Variants in ADNP2 observed in about 807,000 individuals in gnomAD.
ADNP2 encodes ADNP homeobox 2.
ADNP2 carries 8 observed loss-of-function variants against 16.4 expected under a neutral mutation model. The ratio of observed to expected loss-of-function variants is 0.49; its 90% CI spans 0.29 to 0.88. The LOEUF is 0.88. Ranked by LOEUF, ADNP2 falls within the 40% of genes least tolerant of loss-of-function variation. The pLI is 0.09. For missense variants in ADNP2, 1,397 were observed against 1,395.1 expected (o/e 1.00, Z -0.02); for synonymous variants, 637 against 545.8 (o/e 1.17, Z -2.33).
chr18:80,137,182 C>G lies in ADNP2; in HGVS notation c.1769C>G (p.Thr590Ser), dbSNP rs1232922151. ...GTGAGACCTGGTGCTTCGCAGAACA[C>G]CACCTTCCTGACATCAGGCTCTATT... ...QPVRPGASQN[T>S]TFLTSGSILR... is the part of the protein sequence containing the mutation. Residue 590 changes from threonine (T) to serine (S), a missense_variant, in exon 4 of 4, where the codon ACC becomes AGC. Physicochemically the swap from Thr to Ser is moderately conservative, Grantham distance 58 (BLOSUM62 1). Transcript: ENST00000262198. This position sits in a 1 kb window ranked among gnomAD's most constrained non-coding sequence, Gnocchi z 4.2. The G allele has an allele frequency of 1.9e-6, 3 of 1,614,212 alleles. No individual in the cohort carries two copies. Among genetic ancestry groups the G allele is most frequent in the Non-Finnish European group, 2.5e-6 (3 of 1,180,024 alleles).
chr18:80,119,477 A>G (rs9965191), intron 2 of ADNP2, among the ~76,000 whole-genome samples: 1,580 of 151,972 alleles, frequency 0.01, 22 homozygotes, highest in African/African-American at 0.036. Flanking sequence ...GAAAGAACCA[A>G]GGAAACTACC....
chr18:80,125,830 A>G (rs1226540949), intron 2 of ADNP2, among the ~76,000 whole-genome samples: 1 of 152,152 alleles, frequency 6.6e-6, no homozygotes, highest in Non-Finnish European at 1.5e-5. Context: ...TTTTTTAATT[A>G]AAAGAAGTTT....
At position 80,138,268 on chromosome 18, in the gene ADNP2, A is replaced by G; in HGVS notation, c.2855A>G (p.Gln952Arg). The G allele has an allele frequency of 1.9e-6, 3 of 1,614,132 alleles. No homozygotes were observed. The highest frequency in any genetic ancestry group is 1.1e-5 in the South Asian group (1 of 91,086). Residue 952 changes from glutamine (Q) to arginine (R), a missense_variant, in exon 4 of 4, where the codon CAG becomes CGG. Physicochemically the swap from Gln to Arg is conservative, Grantham distance 43. Transcript: ENST00000262198. ...GACAGCAGCTCAGACCTGCAGGCCC[A>G]GCCGGGTTTTATTCACAACAGTGAA... ...PKDSSSDLQA[Q>R]PGFIHNSELL... is the part of the protein sequence containing the mutation.
intron 2 of ADNP2, among the ~76,000 whole-genome samples, chr18:80,129,914 T>C (rs1297113247): frequency 6.6e-6 from 1 of 152,232 alleles, no homozygotes; most frequent in Non-Finnish European, 1.5e-5. Flanking sequence ...TGTAAACTCT[T>C]GTTTTACTCA....
In ADNP2 at chr18:80,133,140, A is replaced by G. The variant is rs757124495; in HGVS notation, c.146A>G (p.His49Arg). The G allele has an allele frequency of 1.9e-6, 3 of 1,612,790 alleles. No individual in the cohort carries two copies. The highest frequency in any genetic ancestry group is 1.7e-6 in the Non-Finnish European group (2 of 1,179,596). Residue 49 changes from histidine to arginine, a missense_variant, in exon 3 of 4, where the codon CAT becomes CGT. Coordinates refer to ENST00000262198, the MANE Select transcript of ADNP2 (RefSeq NM_014913.4). ...KGFDPGEKYFHNTSWGDVSLW... is the reference protein window; with the variant it reads ...KGFDPGEKYFRNTSWGDVSLW... ...TTTGATCCAGGAGAGAAATACTTTC[A>G]TAACACATCATGGGGTGATGTTTCT...
chr18:80,110,534 A>T (rs1413300303), intron 1 of ADNP2, among the ~76,000 whole-genome samples: 3 of 151,868 alleles, frequency 2.0e-5, no homozygotes, highest in African/African-American at 7.3e-5. Context: ...TTATCAAAAG[A>T]GGGGGTTTGG....
At position 80,136,562 on chromosome 18, in the gene ADNP2, G is replaced by A. The variant is rs1300660972; in HGVS notation, c.1149G>A (p.Lys383=). 1 of 1,614,096 alleles carries A rather than the reference G, an allele frequency of 6.2e-7. No individual in the cohort carries two copies. The highest frequency in any genetic ancestry group is 8.5e-7 in the Non-Finnish European group (1 of 1,180,050). Residue 383 remains lysine, a synonymous_variant, in exon 4 of 4, where the codon AAG becomes AAA. Transcript: ENST00000262198. The stretch of plus-strand genomic sequence containing the variant: ...GTCAGCCAGTCGGACCTGTCAATAA[G>A]TCTGTTGGAACTAGTGTCCTCCCCA... The part of the protein sequence containing the change: ...PLSQPVGPVN[K]SVGTSVLPIN...
intron 2 of ADNP2, among the ~76,000 whole-genome samples, chr18:80,125,897 G>C (rs370906943): frequency 3.3e-5 from 5 of 152,148 alleles, no homozygotes; most frequent in Admixed American, 6.5e-5. Flanking sequence ...TTTTGTGCAC[G>C]GTGTGGCAGG....
intron 2 of ADNP2, among the ~76,000 whole-genome samples, chr18:80,123,720 T>G (rs1372708415): frequency 6.6e-6 from 1 of 151,692 alleles, no homozygotes; most frequent in African/African-American, 2.4e-5. Flanking sequence ...ATGTTAGTTC[T>G]TTCTTTAATT....
At chr18:80,126,926 T>C (rs891379544) in intron 2 of ADNP2, among the ~76,000 whole-genome samples, 1 of 152,226 alleles carries the variant, frequency 6.6e-6, no homozygotes, top group African/African-American at 2.4e-5. Context: ...TCATCTGTTT[T>C]AAGTTCCATG....
Position 80,117,814 on chromosome 18 carries a change from T to A in ADNP2, c.108+164T>A, listed in dbSNP as rs182463789. ...TATGTCTTTATGACATAAAGTGAGC[T>A]ATTTAAGCTGTTCAGGTTTTTAAGC... On this transcript the variant is annotated intron_variant, in intron 2 of 3. Coordinates refer to ENST00000262198, the MANE Select transcript of ADNP2 (RefSeq NM_014913.4). Among the ~76,000 whole-genome samples, 97 of 152,374 alleles carry A rather than the reference T, an allele frequency of 6.4e-4. 2 individuals are homozygous for A. The highest frequency in any genetic ancestry group is 9.4e-4 in the Non-Finnish European group (64 of 68,032).
intron 1 of ADNP2, among the ~76,000 whole-genome samples, chr18:80,112,204 A>C (rs2052362084): frequency 6.6e-6 from 1 of 152,200 alleles, no homozygotes; most frequent in Non-Finnish European, 1.5e-5. Context: ...TAGTTAATTC[A>C]TCCACTGGGC....
chr18:80,120,071 G>A (rs2052414633), intron 2 of ADNP2, among the ~76,000 whole-genome samples: 1 of 152,226 alleles, frequency 6.6e-6, no homozygotes, highest in Admixed American at 6.5e-5. Context: ...GCTTTGGGGT[G>A]AGGGCAAGGC....
Position 80,118,376 on chromosome 18 carries a change from C to T in ADNP2, c.108+726C>T, listed in dbSNP as rs191906600. Among the ~76,000 whole-genome samples, 72 of 151,668 alleles carry T rather than the reference C, an allele frequency of 4.7e-4. 1 individual carries two copies. The East Asian group carries it at 7.6e-3, about 16-fold the overall frequency. ...CTGGGTGGCAGAAGTTGCAGTGAGC[C>T]GAGATAGCACCACTGCACTCCAGCC... On this transcript the variant is annotated intron_variant, in intron 2 of 3. Transcript: ENST00000262198.
intron 2 of ADNP2, among the ~76,000 whole-genome samples, chr18:80,124,547 A>G (rs999700420): frequency 3.9e-5 from 6 of 152,158 alleles, no homozygotes; most frequent in African/African-American, 7.2e-5. Context: ...CGGGTACTCA[A>G]CCCTCCAGGA....
intron 2 of ADNP2, among the ~76,000 whole-genome samples, chr18:80,121,378 T>G (rs2145197554): frequency 6.6e-6 from 1 of 152,370 alleles, no homozygotes; most frequent in East Asian, 1.9e-4. Flanking sequence ...CTTTGCCTGT[T>G]TTTTAATTGG....
Position 80,137,098 on chromosome 18 carries a change from C to T in ADNP2, c.1685C>T (p.Pro562Leu). The T allele has an allele frequency of 6.2e-7, 1 of 1,614,224 alleles. No individual in the cohort carries two copies. The highest frequency in any genetic ancestry group is 8.5e-7 in the Non-Finnish European group (1 of 1,180,040). The change falls in exon 4 of 4, where the codon CCT (proline) becomes CTT (leucine). Residue 562 changes from proline to leucine, a missense_variant. This residue lies in a region of ADNP2 where 777 missense variants were observed against 719.4 expected (regional missense o/e 1.08). Transcript: ENST00000262198. The surrounding 1 kb of genome is among the most constrained non-coding windows in gnomAD (Gnocchi z 4.2). ...CTTCCTGTGGGCCAGCCAGTGAGGC[C>T]TGGGGTCTTGCAACTCAACCAGACT... ...GVLPVGQPVRPGVLQLNQTVG... is the reference protein window; with the variant it reads ...GVLPVGQPVRLGVLQLNQTVG...
Position 80,135,703 on chromosome 18 carries a change from A to G in ADNP2, c.290A>G (p.Glu97Gly). ...AAGAATCATTTACATCGTTACCATGAAGATGAAATTGACCAAGAGCTGGTG... is the reference window on the plus strand; with the variant it reads ...AAGAATCATTTACATCGTTACCATGGAGATGAAATTGACCAAGAGCTGGTG... Reference protein sequence around the residue: ...SFKNHLHRYHEDEIDQELVIP... With the variant: ...SFKNHLHRYHGDEIDQELVIP... The change falls in exon 4 of 4, where the codon GAA (glutamate) becomes GGA (glycine). Residue 97 changes from glutamate (E) to glycine (G), a missense_variant. Transcript: ENST00000262198. 1 of 1,614,260 alleles carries G rather than the reference A, an allele frequency of 6.2e-7. No individual in the cohort carries two copies. Among genetic ancestry groups the G allele is most frequent in the Non-Finnish European group, 8.5e-7 (1 of 1,180,046 alleles).
Position 80,137,765 on chromosome 18 carries a change from T to G in ADNP2, c.2352T>G (p.Gly784=), listed in dbSNP as rs765410122. The change falls in exon 4 of 4, where the codon GGT becomes GGG. Residue 784 remains glycine, a synonymous_variant. Transcript: ENST00000262198. The surrounding 1 kb of genome is among the most constrained non-coding windows in gnomAD (Gnocchi z 4.2). ...CATGCACCTTCCATGATATCAAAGG[T>G]CTTTCAGAGCACAGCAGGAATAGGC... ...FCPCTFHDIK[G]LSEHSRNRHL... is the part of the protein sequence containing the mutation. The G allele has an allele frequency of 6.2e-7, 1 of 1,614,168 alleles. No individual in the cohort carries two copies. The highest frequency in any genetic ancestry group is 8.5e-7 in the Non-Finnish European group (1 of 1,180,032).
Sources: gnomAD v4.1 joint callset for allele counts (sites outside exome capture counted in the v4.1 genomes callset) on GRCh38, gnomAD v4.1.1 for gene constraint, gnomAD v4.1.1 regional missense constraint, Gnocchi (gnomAD v3.1) non-coding constraint, MANE v1.5 for transcripts, NCBI Gene and HGNC (gene_info 2026-07-23, HGNC 2026-07-21) for gene names.